The following NFATC3 variants were observed in gnomAD, a reference collection of about 807,000 sequenced individuals.
The protein encoded by NFATC3 is nuclear factor of activated T cells 3, also known as nuclear factor of activated T-cells, cytoplasmic 3.
A neutral mutation model predicts 98.6 loss-of-function variants in NFATC3; 46 were observed. That is an observed-to-expected ratio of 0.47 (90% CI 0.37 to 0.60). NFATC3 has a LOEUF of 0.60. Among genes scored for constraint, NFATC3 ranks in the 20% least tolerant of loss-of-function variants. NFATC3 has a pLI of 0.00. For missense variants in NFATC3, 1,256 were observed against 1,295.5 expected (o/e 0.97, Z 0.47); for synonymous variants, 512 against 472.2 (o/e 1.08, Z -1.09).
chr16:68,114,578 T>TC (rs1469589775), intron 1 of NFATC3, among the ~76,000 whole-genome samples: 2 of 145,402 alleles, frequency 1.4e-5, no homozygotes, highest in African/African-American at 5.2e-5. Flanking sequence ...GAAAAGCACT[T>TC]TTTTTTTTTT....
At position 68,170,386 on chromosome 16, in the gene NFATC3, CA is replaced by C. The variant is rs112305272; in HGVS notation, c.1774+3388del. On this transcript the variant is annotated intron_variant, in intron 5 of 9. Coordinates refer to ENST00000346183, the MANE Select transcript of NFATC3 (RefSeq NM_173165.3). ...TCCTGGCAACAACGAGATTCTGTCT[CA>C]AAAAAAAAAAAAAAAAGCACAAAAT... is the stretch of plus-strand genomic sequence containing the variant. 4.9e-3 allele frequency among the ~76,000 whole-genome samples: 396 copies of C among 81,036 alleles called. 5 individuals carry two copies. Among genetic ancestry groups the C allele is most frequent in the South Asian group, 0.027 (66 of 2,462 alleles). The allele number at this position is 81,036 out of a possible 152,430, so 53.2% of individuals were successfully genotyped here.
At chr16:68,157,783 A>G (rs2038693889) in intron 3 of NFATC3, 86 bp from the exon 4 acceptor site, 1 of 1,026,258 alleles carries the variant, frequency 9.7e-7, no homozygotes. Context: ...TATATGATAG[A>G]GATATAATAG....
chr16:68,184,915 G>A (rs1429619326), intron 8 of NFATC3, among the ~76,000 whole-genome samples: 3 of 152,008 alleles, frequency 2.0e-5, no homozygotes, highest in Admixed American at 6.6e-5. Context: ...TGATTGAAGG[G>A]CACCATTGAT....
At chr16:68,203,015 T>C (rs1029902128) in intron 9 of NFATC3, among the ~76,000 whole-genome samples, 2 of 152,142 alleles carry the variant, frequency 1.3e-5, no homozygotes, top group African/African-American at 4.8e-5. Context: ...ATACATGTAC[T>C]ATACAGCCTC....
chr16:68,178,246 T>C (rs1319503116), intron 6 of NFATC3, among the ~76,000 whole-genome samples: 49 of 152,182 alleles, frequency 3.2e-4, no homozygotes, highest in Admixed American at 3.1e-3. Flanking sequence ...TGAAAACATA[T>C]CTGACTTTAC....
intron 1 of NFATC3, among the ~76,000 whole-genome samples, chr16:68,104,211 A>G (rs1032503819): frequency 2.6e-5 from 4 of 152,110 alleles, no homozygotes; most frequent in Non-Finnish European, 1.5e-5. Flanking sequence ...TATTTCAGCA[A>G]TGTTTTGTAA....
chr16:68,122,594 C>G lies in NFATC3; in HGVS notation c.711C>G (p.Pro237=). 1.9e-6 allele frequency: 3 copies of G among 1,614,154 alleles called. No individual in the cohort carries two copies. Among genetic ancestry groups the G allele is most frequent in the Non-Finnish European group, 2.5e-6 (3 of 1,180,028 alleles). ...ATGGACTTGGACACTCATTATCACC[C>G]AGGCAATCTCCTTGCCACTCTCCTA... is the stretch of plus-strand genomic sequence containing the variant. ...QQYGLGHSLS[P]RQSPCHSPRS... The change falls in exon 2 of 10, where the codon CCC becomes CCG. Residue 237 remains proline (P), a synonymous_variant. Coordinates refer to ENST00000346183, the MANE Select transcript of NFATC3 (RefSeq NM_173165.3).
intron 8 of NFATC3, among the ~76,000 whole-genome samples, chr16:68,184,525 G>A (rs1463461058): frequency 1.3e-5 from 2 of 152,184 alleles, no homozygotes; most frequent in Admixed American, 6.5e-5. Context: ...TCTGTAGGCC[G>A]GGCGCTGTGG....
chr16:68,133,899 T>A (rs1018618453), intron 3 of NFATC3, among the ~76,000 whole-genome samples: 15 of 150,848 alleles, frequency 9.9e-5, no homozygotes, highest in Non-Finnish European at 1.6e-4. Flanking sequence ...AAAAAAAAAA[T>A]GACTTTCGAT....
At chr16:68,174,850 T>C (rs753037617) in intron 6 of NFATC3, among the ~76,000 whole-genome samples, 13 of 152,148 alleles carry the variant, frequency 8.5e-5, no homozygotes, top group Non-Finnish European at 1.6e-4. Flanking sequence ...ACCTTGTTTC[T>C]AAATAATAAT....
At position 68,158,621 on chromosome 16, in the gene NFATC3, C is replaced by A. The variant is rs186844557; in HGVS notation, c.1601+553C>A. On this transcript the variant is annotated intron_variant, in intron 4 of 9. Transcript: ENST00000346183. ...AAATATACAGATAGATATTTTAGGG[C>A]TAGCACAGTAGCTGCATAAGTCATT... Among the ~76,000 whole-genome samples, 712 of 152,254 alleles carry A rather than the reference C, an allele frequency of 4.7e-3. 29 individuals carry two copies. The highest frequency in any genetic ancestry group is 0.043 in the Admixed American group (653 of 15,292).
In NFATC3 at chr16:68,191,175, G is replaced by A; in HGVS notation, c.2506G>A (p.Ala836Thr). The A allele has an allele frequency of 6.2e-7, 1 of 1,614,176 alleles. No individual in the cohort carries two copies. The highest frequency in any genetic ancestry group is 1.1e-5 in the South Asian group (1 of 91,082). The change falls in exon 9 of 10, where the codon GCA (alanine) becomes ACA (threonine). Residue 836 changes from alanine to threonine, a missense_variant. By Grantham distance (58) the Ala-to-Thr change is moderately conservative. Transcript: ENST00000346183. ...EFDSVLFQQDATLSGLVNLGC... is the reference protein window; with the variant it reads ...EFDSVLFQQDTTLSGLVNLGC... ...TGATTCAGTTTTGTTTCAGCAGGAT[G>A]CAACTCTTTCTGGTTTAGTGAATCT...
chr16:68,196,583 T>C (rs983005650), intron 9 of NFATC3, among the ~76,000 whole-genome samples: 1 of 152,118 alleles, frequency 6.6e-6, no homozygotes, highest in South Asian at 2.1e-4. Context: ...ATCCCAGCTA[T>C]TCTGGAGGCT....
chr16:68,177,997 T>C (rs893758619), intron 6 of NFATC3, among the ~76,000 whole-genome samples: 2 of 152,208 alleles, frequency 1.3e-5, no homozygotes, highest in Non-Finnish European at 2.9e-5. Flanking sequence ...TGTTGTTATC[T>C]GGTTCTCACA....
In NFATC3 at chr16:68,111,898, A is replaced by G. The variant is rs117923946; in HGVS notation, c.104-10089A>G. On this transcript the variant is annotated intron_variant, in intron 1 of 9. Coordinates refer to ENST00000346183, the MANE Select transcript of NFATC3 (RefSeq NM_173165.3). ...CACTTACGAAGCTTAATTTGTCCGG[A>G]TATGACATTTGGGTTGGAAATTCTT... is the stretch of plus-strand genomic sequence containing the variant. 3.1e-3 allele frequency among the ~76,000 whole-genome samples: 472 copies of G among 152,214 alleles called. 1 individual carries two copies. The highest frequency in any genetic ancestry group is 5.5e-3 in the Non-Finnish European group (372 of 68,026).
chr16:68,214,528 G>A, intron 9 of NFATC3: 3 of 987,068 alleles, frequency 3.0e-6, no homozygotes, highest in South Asian at 1.4e-5. Context: ...GAGGGGGTAT[G>A]CACGGGCATT....
chr16:68,153,456 G>T (rs2038447995), intron 3 of NFATC3, among the ~76,000 whole-genome samples: 1 of 152,100 alleles, frequency 6.6e-6, no homozygotes, highest in Non-Finnish European at 1.5e-5. Flanking sequence ...AAAGCATTGT[G>T]TTTATTGTGC....
At chr16:68,221,409 G>A in intron 9 of NFATC3, 2 of 1,459,550 alleles carry the variant, frequency 1.4e-6, no homozygotes, top group Non-Finnish European at 1.8e-6. Flanking sequence ...CTTTGTTGCA[G>A]TTCTGACTCC....
chr16:68,190,772 G>A lies in NFATC3; in HGVS notation c.2103G>A (p.Leu701=). Residue 701 remains leucine (L), a synonymous_variant, in exon 9 of 10, where the codon TTG becomes TTA. Transcript: ENST00000346183. ...CTTTAATCATTTTCTTTTCAGTTTTGATGAAGCAAGAACACAGAGAAGAGA... is the reference window on the plus strand; with the variant it reads ...CTTTAATCATTTTCTTTTCAGTTTTAATGAAGCAAGAACACAGAGAAGAGA... The part of the protein sequence containing the change: ...QSQRFTYTPV[L]MKQEHREEID... The A allele has an allele frequency of 6.3e-7, 1 of 1,588,984 alleles. No individual in the cohort carries two copies. Among genetic ancestry groups the A allele is most frequent in the Admixed American group, 1.8e-5 (1 of 55,030 alleles).
Sources: allele counts gnomAD v4.1 joint callset (sites outside exome capture counted in the v4.1 genomes callset), GRCh38; gene constraint gnomAD v4.1.1; transcripts MANE v1.5; gene names NCBI Gene and HGNC (gene_info 2026-07-23, HGNC 2026-07-21).